The following DPP6 variants were observed in gnomAD, a reference collection of about 807,000 sequenced individuals.
The protein encoded by DPP6 is dipeptidyl peptidase like 6.
DPP6 carries 69 observed loss-of-function variants against 122.6 expected under a neutral mutation model. That is an observed-to-expected ratio of 0.56 (90% CI 0.46 to 0.69). The LOEUF (loss-of-function observed/expected upper bound fraction) is 0.69, where lower values mean the gene tolerates loss of function less well. DPP6 is among the 30% of genes least tolerant of loss of function. The pLI is 0.00. For missense variants in DPP6, 928 were observed against 1,116.9 expected, an observed-to-expected ratio of 0.83 and a Z score of 2.41; for synonymous variants, 418 against 433.1, an observed-to-expected ratio of 0.97 and a Z score of 0.43.
intron 1 of DPP6, among the ~76,000 whole-genome samples, chr7:154,415,692 C>G (rs1483568992): frequency 6.7e-6 from 1 of 149,334 alleles, no homozygotes; most frequent in Non-Finnish European, 1.5e-5. Flanking sequence ...AAGAATAAAT[C>G]TATTGATAGT....
chr7:154,675,213 G>A lies in DPP6; in HGVS notation c.762+5772G>A, dbSNP rs74382113. On this transcript the variant is annotated intron_variant, in intron 7 of 25. Transcript: ENST00000377770. ...TCCACACCGGGGCCTGTCCGGGGGC[G>A]GGGGGCTAGGGGAGGGATAGCATTA... 5.3e-5 allele frequency among the ~76,000 whole-genome samples: 8 copies of A among 152,242 alleles called. No homozygotes were observed. The South Asian group carries it at 8.3e-4, about 16-fold the overall frequency.
intron 3 of DPP6, among the ~76,000 whole-genome samples, chr7:154,526,415 A>G (rs759950803): frequency 1.3e-5 from 2 of 152,164 alleles, no homozygotes; most frequent in African/African-American, 4.8e-5. Flanking sequence ...AACCTCGTAG[A>G]TAGTGCTGTC....
intron 1 of DPP6, among the ~76,000 whole-genome samples, chr7:154,091,046 A>G (rs993666572): frequency 4.0e-5 from 6 of 151,500 alleles, no homozygotes; most frequent in South Asian, 2.1e-4. Flanking sequence ...GTGTGAACCC[A>G]GGAGGTGGAG....
chr7:153,793,479 A>G, the DPP6 span, among the ~76,000 whole-genome samples: 1 of 147,944 alleles, frequency 6.8e-6, no homozygotes, highest in Admixed American at 6.8e-5. Context: ...AAAACATTCA[A>G]GAGGTAACTT....
At chr7:154,465,216 A>G (rs1385901061) in intron 2 of DPP6, among the ~76,000 whole-genome samples, 2 of 152,244 alleles carry the variant, frequency 1.3e-5, no homozygotes, top group Non-Finnish European at 2.9e-5. Context: ...TACACATATT[A>G]ATTGCATTTC....
intron 4 of DPP6, among the ~76,000 whole-genome samples, chr7:154,554,007 G>A (rs533091242): frequency 1.3e-5 from 2 of 151,224 alleles, no homozygotes; most frequent in Admixed American, 1.3e-4. Flanking sequence ...ACGCTTTTTC[G>A]ATGTGGCTAT....
At chr7:154,523,694 A>G (rs1309007790) in intron 3 of DPP6, among the ~76,000 whole-genome samples, 1 of 152,168 alleles carries the variant, frequency 6.6e-6, no homozygotes, top group African/African-American at 2.4e-5. Context: ...TTCACAATAC[A>G]CCTGGATTAG....
At chr7:153,764,319 C>CA in the DPP6 span, among the ~76,000 whole-genome samples, 370 of 150,210 alleles carry the variant, frequency 2.5e-3, 5 homozygotes, top group African/African-American at 8.8e-3. Flanking sequence ...CTTCTGCACT[C>CA]GCTAGTCCTC....
At chr7:154,393,766 G>A (rs1324981696) in intron 1 of DPP6, among the ~76,000 whole-genome samples, 5 of 152,038 alleles carry the variant, frequency 3.3e-5, no homozygotes, top group Non-Finnish European at 5.9e-5. Context: ...TTCATTTTGT[G>A]TAGCTGAAAC....
chr7:154,383,011 G>A (rs1299863752), intron 1 of DPP6, among the ~76,000 whole-genome samples: 1 of 152,196 alleles, frequency 6.6e-6, no homozygotes, highest in East Asian at 1.9e-4. Context: ...ACAGGCTTGA[G>A]CCACTGTGCC....
At chr7:154,431,461 CTTTTCTTTTCTTTTCT>C (rs1818379456) in intron 1 of DPP6, among the ~76,000 whole-genome samples, 1 of 19,718 alleles carries the variant, frequency 5.1e-5, no homozygotes, top group South Asian at 1.4e-3. Flanking sequence ...CTTTTCTTTT[CTTTTCTTTTCTTTTCT>C]TTTCTTTTCT....
At chr7:154,482,358 G>A (rs1033851475) in intron 3 of DPP6, among the ~76,000 whole-genome samples, 4 of 152,152 alleles carry the variant, frequency 2.6e-5, no homozygotes, top group African/African-American at 9.7e-5. Context: ...TAACTTATTG[G>A]CACTGAAGGT....
intron 1 of DPP6, among the ~76,000 whole-genome samples, chr7:154,442,698 A>C (rs1266817688): frequency 6.6e-6 from 1 of 152,176 alleles, no homozygotes; most frequent in Non-Finnish European, 1.5e-5. Flanking sequence ...CTAGAGCCCC[A>C]GAGAGGGCTT....
chr7:154,470,959 A>G (rs1822213852), intron 2 of DPP6, among the ~76,000 whole-genome samples: 2 of 152,134 alleles, frequency 1.3e-5, no homozygotes, highest in Non-Finnish European at 2.9e-5. Context: ...ATAACGAAAA[A>G]CACAGCTGCA....
At chr7:154,884,978 C>CCT (rs77477248) in intron 21 of DPP6, 6,054 of 152,682 alleles carry the variant, frequency 0.04, 155 homozygotes, top group East Asian at 0.061. Flanking sequence ...CGTGCTGTCC[C>CCT]GTTTCCCTCG....
At chr7:153,978,236 G>A (rs1213494964) in intron 1 of DPP6, among the ~76,000 whole-genome samples, 1 of 152,156 alleles carries the variant, frequency 6.6e-6, no homozygotes, top group Non-Finnish European at 1.5e-5. Flanking sequence ...ACTTTTTAAT[G>A]ATCGCCATTT....
the DPP6 span, among the ~76,000 whole-genome samples, chr7:153,826,847 T>G: frequency 7.7e-6 from 1 of 129,712 alleles, no homozygotes; most frequent in African/African-American, 2.7e-5. Flanking sequence ...CAAATATATA[T>G]ATATATGCAC....
At chr7:154,608,320 C>CATGTATATATATATATATATATATATAT (rs1833687893) in intron 5 of DPP6, among the ~76,000 whole-genome samples, 1 of 89,958 alleles carries the variant, frequency 1.1e-5, no homozygotes, top group Non-Finnish European at 2.3e-5. Flanking sequence ...TAGGAGTGAT[C>CATGTATATATATATATATATATATATAT]ATATATATAT....
At chr7:154,452,438 C>T (rs1820465130) in intron 2 of DPP6, among the ~76,000 whole-genome samples, 1 of 152,216 alleles carries the variant, frequency 6.6e-6, no homozygotes, top group Admixed American at 6.5e-5. Flanking sequence ...GTAACCGTCA[C>T]ACTTCGCATA....
Sources: allele counts gnomAD v4.1 joint callset (sites outside exome capture counted in the v4.1 genomes callset), GRCh38; gene constraint gnomAD v4.1.1; transcripts MANE v1.5; gene names NCBI Gene and HGNC (gene_info 2026-07-23, HGNC 2026-07-21).